The following ACSF2 variants were observed in gnomAD, a reference collection of about 807,000 sequenced individuals.
The protein encoded by ACSF2 is acyl-CoA synthetase family member 2.
A neutral mutation model predicts 79.3 loss-of-function variants in ACSF2; 52 were observed. That is an observed-to-expected ratio of 0.66 (90% CI 0.53 to 0.83). The LOEUF is 0.83. ACSF2 is among the 40% of genes least tolerant of loss of function. The pLI is 0.00. For synonymous variants in ACSF2, 283 were observed against 312.6 expected (o/e 0.91, Z 1.00); for missense variants, 661 against 803.3 (o/e 0.82, Z 2.14).
intron 6 of ACSF2, 132 bp downstream of exon 6, chr17:50,462,717 C>A: frequency 9.2e-7 from 1 of 1,086,786 alleles, no homozygotes; most frequent in Non-Finnish European, 1.3e-6. Flanking sequence ...CAGCTGTCCT[C>A]TCTGCCCTGG....
intron 1 of ACSF2, among the ~76,000 whole-genome samples, chr17:50,432,719 C>T (rs566506441): frequency 6.6e-6 from 1 of 152,182 alleles, no homozygotes; most frequent in Non-Finnish European, 1.5e-5. Flanking sequence ...GCATGTATTC[C>T]TCCATTTGGG....
At chr17:50,460,146 A>C (rs946253874) in intron 1 of ACSF2, 1 of 455,174 alleles carries the variant, frequency 2.2e-6, no homozygotes, top group African/African-American at 2.0e-5. Context: ...TGCCTCTCTT[A>C]GGGCCTCCAT....
At chr17:50,460,162 C>T (rs2032244016) in intron 1 of ACSF2, 1 of 455,792 alleles carries the variant, frequency 2.2e-6, no homozygotes, top group African/African-American at 2.0e-5. Flanking sequence ...TCCATCTGCC[C>T]TCTCCTTTAT....
chr17:50,455,511 C>T (rs1457103761), intron 1 of ACSF2, among the ~76,000 whole-genome samples: 2 of 152,168 alleles, frequency 1.3e-5, no homozygotes, highest in African/African-American at 4.8e-5. Context: ...TTCACCTGGA[C>T]CTCTGAGAAG....
intron 10 of ACSF2, chr17:50,468,294 G>GC: frequency 6.2e-7 from 1 of 1,613,602 alleles, no homozygotes; most frequent in Non-Finnish European, 8.5e-7. Flanking sequence ...TAGAGCCAGC[G>GC]CAGGTCCTTG....
intron 1 of ACSF2, among the ~76,000 whole-genome samples, chr17:50,455,869 G>A (rs1303318231): frequency 2.6e-5 from 4 of 152,094 alleles, no homozygotes; most frequent in Non-Finnish European, 5.9e-5. Context: ...TCACTGTGAC[G>A]CTTGTCCTCA....
chr17:50,456,485 C>A (rs1270264350), intron 1 of ACSF2, among the ~76,000 whole-genome samples: 2 of 150,394 alleles, frequency 1.3e-5, no homozygotes, highest in South Asian at 4.3e-4. Flanking sequence ...GTAATCCTAG[C>A]ACTTTGGGAG....
chr17:50,472,779 C>T (rs1016752759), intron 12 of ACSF2, 200 bp downstream of exon 12: 1 of 517,732 alleles, frequency 1.9e-6, no homozygotes, highest in Non-Finnish European at 3.2e-6. Context: ...GGTCATCACC[C>T]TACACCAGCA....
chr17:50,445,775 T>C (rs1377584287), intron 1 of ACSF2, among the ~76,000 whole-genome samples: 1 of 150,024 alleles, frequency 6.7e-6, no homozygotes, highest in East Asian at 1.9e-4. Context: ...CACTCCAGCC[T>C]AGGCTTCAGA....
Position 50,471,275 on chromosome 17 carries a change from G to A in ACSF2, c.1323+140G>A. 2 of 675,770 alleles carry A rather than the reference G, an allele frequency of 3.0e-6. No homozygotes were observed. Among genetic ancestry groups the A allele is most frequent in the Non-Finnish European group, 2.6e-6 (1 of 381,652 alleles). The allele number at this position is 675,770 out of a possible 1,614,324, so 41.9% of individuals were successfully genotyped here. A position where few individuals can be genotyped will look rare whatever the true frequency, so the allele number is the denominator to read the frequency against. Reference sequence around the variant, plus strand: ...TAGAGCCCCCCAGCAGCAGGGGTGTGCTAGGCCTGGCCCGGAGTGTTCTCT... The same window carrying A: ...TAGAGCCCCCCAGCAGCAGGGGTGTACTAGGCCTGGCCCGGAGTGTTCTCT... On this transcript the variant is annotated intron_variant, in intron 11 of 15. Transcript: ENST00000300441. This position sits in a 1 kb window ranked among gnomAD's most constrained non-coding sequence, Gnocchi z 4.1.
At chr17:50,457,548 G>A (rs982225396) in intron 1 of ACSF2, among the ~76,000 whole-genome samples, 1 of 152,230 alleles carries the variant, frequency 6.6e-6, no homozygotes, top group African/African-American at 2.4e-5. Flanking sequence ...GAAGCAGGAG[G>A]AGCTGAGGTT....
At chr17:50,430,308 C>T (rs552216864) in intron 1 of ACSF2, among the ~76,000 whole-genome samples, 9 of 152,226 alleles carry the variant, frequency 5.9e-5, no homozygotes, top group South Asian at 2.1e-4. Flanking sequence ...AGACTGCAAC[C>T]GGGAGCATAG....
chr17:50,464,779 G>GGT, intron 10 of ACSF2: 4 of 259,840 alleles, frequency 1.5e-5, no homozygotes, highest in African/African-American at 3.9e-5. Context: ...TGGGGGGGGG[G>GGT]TCTCAGCAAC....
intron 1 of ACSF2, among the ~76,000 whole-genome samples, chr17:50,447,190 C>G (rs984649820): frequency 7.9e-5 from 12 of 152,108 alleles, no homozygotes; most frequent in African/African-American, 2.9e-4. Context: ...TGTTTTCTGT[C>G]TCTATAGAAT....
intron 1 of ACSF2, 100 bp from the exon 2 acceptor site, chr17:50,460,577 T>C (rs926173739): frequency 3.8e-5 from 42 of 1,097,488 alleles, no homozygotes; most frequent in Non-Finnish European, 5.2e-5. Flanking sequence ...CTCTAACACA[T>C]TGTCAGCAGC....
intron 1 of ACSF2, among the ~76,000 whole-genome samples, chr17:50,434,249 G>A (rs2030198730): frequency 1.3e-5 from 2 of 152,060 alleles, no homozygotes; most frequent in South Asian, 2.1e-4. Context: ...AGCCCAGGAA[G>A]TCGAGGCTGC....
intron 10 of ACSF2, chr17:50,468,203 C>T: frequency 6.2e-7 from 1 of 1,613,620 alleles, no homozygotes; most frequent in South Asian, 1.1e-5. Flanking sequence ...CAGCTGGTTC[C>T]TGTCCACGTG....
At chr17:50,466,003 A>G (rs768176462) in intron 10 of ACSF2, 15 of 905,444 alleles carry the variant, frequency 1.7e-5, no homozygotes, top group Non-Finnish European at 2.6e-5. Context: ...CAGTTTTCAA[A>G]GCAGTATGAC....
rs759366109 is a variant in ACSF2, at chr17:50,426,289, C to T, written c.28C>T (p.Leu10=). The T allele has an allele frequency of 5.0e-6, 7 of 1,410,834 alleles. No homozygotes were observed. In the African/African-American group the frequency reaches 7.4e-5, roughly 15 times the overall value. The allele number at this position is 1,410,834 out of a possible 1,614,324, so 87.4% of individuals were successfully genotyped here. The change falls in exon 1 of 16, where the codon CTG becomes TTG. Residue 10 remains leucine, a synonymous_variant. Coordinates refer to ENST00000300441, the MANE Select transcript of ACSF2 (RefSeq NM_025149.6). ...GGCTGTCTACGTCGGGATGCTGCGC[C>T]TGGGGAGGCTGTGCGCCGGGAGCTC... The part of the protein sequence containing the change: MAVYVGMLR[L]GRLCAGSSGV...
Sources: gnomAD v4.1 joint callset for allele counts (sites outside exome capture counted in the v4.1 genomes callset) on GRCh38, gnomAD v4.1.1 for gene constraint, Gnocchi (gnomAD v3.1) non-coding constraint, MANE v1.5 for transcripts, NCBI Gene and HGNC (gene_info 2026-07-23, HGNC 2026-07-21) for gene names.